LAMA5: variants seen among roughly 807,000 people sequenced by gnomAD.
LAMA5 encodes laminin subunit alpha 5.
A neutral mutation model predicts 433.4 loss-of-function variants in LAMA5; 260 were observed. That is an observed-to-expected ratio of 0.60 (90% CI 0.54 to 0.66). LAMA5 has a LOEUF of 0.66. Among genes scored for constraint, LAMA5 ranks in the 30% least tolerant of loss-of-function variants. The pLI, the probability that LAMA5 is intolerant of heterozygous loss-of-function variation, is 0.00. For synonymous variants in LAMA5, 2,620 were observed against 2,226.6 expected (o/e 1.18, Z -4.97); for missense variants, 5,378 against 5,258.5 (o/e 1.02, Z -0.70).
In LAMA5 at chr20:62,320,870, G is replaced by A. The variant is rs1223313765; in HGVS notation, c.6517C>T (p.Leu2173=). The change falls in exon 49 of 80, where the codon CTG becomes TTG. Residue 2173 remains leucine (L), a synonymous_variant. Transcript: ENST00000252999. The part of the protein sequence containing the change: ...HCEVCDHCVV[L]LLDDLERAGA... ...GCCCGTTCCAGGTCATCCAGGAGCA[G>A]GACCACACAGTGGTCACACACTGCA... is the stretch of plus-strand genomic sequence containing the variant. The A allele has an allele frequency of 9.3e-6, 15 of 1,611,150 alleles. No homozygotes were observed. The highest frequency in any genetic ancestry group is 1.7e-5 in the Admixed American group (1 of 59,678).
At chr20:62,347,209 G>A (rs1983535645) in intron 6 of LAMA5, among the ~76,000 whole-genome samples, 181 bp from the exon 7 acceptor site, 1 of 152,152 alleles carries the variant, frequency 6.6e-6, no homozygotes, top group Non-Finnish European at 1.5e-5. Flanking sequence ...CAGCGTCCCC[G>A]AGCCTGTGGC....
intron 10 of LAMA5, 75 bp downstream of exon 10, chr20:62,346,006 C>G: frequency 6.3e-7 from 1 of 1,595,778 alleles, no homozygotes; most frequent in Non-Finnish European, 8.6e-7. Flanking sequence ...CCCGGGGAAC[C>G]CCTCCACCCC....
intron 43 of LAMA5, 29 bp from the exon 44 acceptor site, chr20:62,323,885 G>A: frequency 6.3e-7 from 1 of 1,578,784 alleles, no homozygotes. Context: ...TCAGTCACTA[G>A]GCCCCTGGCA....
intron 11 of LAMA5, among the ~76,000 whole-genome samples, chr20:62,343,141 C>T (rs1601386331): frequency 1.3e-5 from 2 of 152,212 alleles, no homozygotes; most frequent in East Asian, 3.8e-4. Context: ...TTGCAAGCTA[C>T]AGCTGGTAAC....
intron 2 of LAMA5, among the ~76,000 whole-genome samples, chr20:62,362,197 G>A (rs1054187040): frequency 1.3e-5 from 2 of 152,214 alleles, no homozygotes; most frequent in Non-Finnish European, 1.5e-5. Context: ...TCATGGGGAC[G>A]CTGAAAGCAC....
chr20:62,328,359 A>G lies in LAMA5; in HGVS notation c.4534T>C (p.Cys1512Arg). The G allele has an allele frequency of 6.3e-7, 1 of 1,592,444 alleles. No homozygotes were observed. The highest frequency in any genetic ancestry group is 1.1e-5 in the South Asian group (1 of 88,404). ...PRTIPPDCLL[C>R]QPQTFGCHPL... ...TGGCAGCCAAAGGTCTGGGGCTGGC[A>G]CAGCAGGCAGTCGGGCGGGATGGTG... The change falls in exon 35 of 80, where the codon TGC becomes CGC. Residue 1512 changes from cysteine (C) to arginine (R), a missense_variant. Physicochemically the swap from Cys to Arg is radical, Grantham distance 180. Transcript: ENST00000252999.
In LAMA5 at chr20:62,318,963, A is replaced by G; in HGVS notation, c.6922T>C (p.Ser2308Pro). 4.4e-6 allele frequency: 7 copies of G among 1,595,478 alleles called. No individual in the cohort carries two copies. The highest frequency in any genetic ancestry group is 6.0e-6 in the Non-Finnish European group (7 of 1,173,356). The change falls in exon 52 of 80, where the codon TCA becomes CCA. Residue 2308 changes from serine to proline, a missense_variant. Physicochemically the swap from Ser to Pro is moderately conservative, Grantham distance 74. Coordinates refer to ENST00000252999, the MANE Select transcript of LAMA5 (RefSeq NM_005560.6). ...HLGLANASAP[S>P]GEQLLRTLAE... is the part of the protein sequence containing the mutation. ...AGTGTCCGGAGCAGCTGCTCACCTG[A>G]TGGAGCCGAGGCATTGGCCAGCCCC...
chr20:62,317,171 G>A, intron 55 of LAMA5, 148 bp from the exon 56 acceptor site: 1 of 1,183,596 alleles, frequency 8.4e-7, no homozygotes, highest in Non-Finnish European at 1.1e-6. Context: ...CGCCTGCTGG[G>A]TGTACTGCTC....
At chr20:62,316,219 T>C (rs1284164826) in intron 57 of LAMA5, 161 bp from the exon 58 acceptor site, 12 of 619,978 alleles carry the variant, frequency 1.9e-5, no homozygotes, top group African/African-American at 1.3e-4. Flanking sequence ...GGGGAGGTGT[T>C]GAGTCTCAGC....
Position 62,324,617 on chromosome 20 carries a change from G to A in LAMA5, c.5530-63C>T. ...GAGGACGAGGGGCCCCACCCTGCAAGCTCACAAGTCAGACCCTCAGGGATC... is the reference window on the plus strand; with the variant it reads ...GAGGACGAGGGGCCCCACCCTGCAAACTCACAAGTCAGACCCTCAGGGATC... On this transcript the variant is annotated intron_variant, in intron 41 of 79. Transcript: ENST00000252999. The surrounding 1 kb of genome is among the most constrained non-coding windows in gnomAD (Gnocchi z 4.4). 9.2e-7 allele frequency: 1 copy of A among 1,083,614 alleles called. No homozygotes were observed. The highest frequency in any genetic ancestry group is 1.3e-5 in the South Asian group (1 of 75,372). 67.1% of individuals were successfully genotyped at this position (1,083,614 alleles called of 1,614,324 possible). A position where few individuals can be genotyped will look rare whatever the true frequency, so the allele number is the denominator to read the frequency against.
rs1986152576 is a variant in LAMA5 at position 62,310,647 on chromosome 20, G to A, written c.10446+18C>T. On this transcript the variant is annotated intron_variant, in intron 75 of 79. Coordinates refer to ENST00000252999, the MANE Select transcript of LAMA5 (RefSeq NM_005560.6). ...AACAGTGGGTGGGGAGTGGGGGCTG[G>A]GGCAAGATGGTTCTCACCGGAAGTT... The A allele has an allele frequency of 6.3e-7, 1 of 1,598,680 alleles. No homozygotes were observed. The highest frequency in any genetic ancestry group is 8.5e-7 in the Non-Finnish European group (1 of 1,177,022).
Position 62,351,804 on chromosome 20 carries a change from G to A in LAMA5, c.859-3C>T. 6.2e-7 allele frequency: 1 copy of A among 1,602,950 alleles called. No individual in the cohort carries two copies. Among genetic ancestry groups the A allele is most frequent in the Admixed American group, 1.7e-5 (1 of 58,118 alleles). The stretch of plus-strand genomic sequence containing the variant: ...ATATCCTTGATGCTGTAATAATACT[G>A]CACCCGCAGGCCCCGTGAGCACCAG... On this transcript the variant is annotated splice_polypyrimidine_tract_variant and splice_region_variant and intron_variant, in intron 5 of 79. Transcript: ENST00000252999.
At position 62,314,663 on chromosome 20, in the gene LAMA5, A is replaced by G. The variant is rs1281299250; in HGVS notation, c.8259T>C (p.Leu2753=). The G allele has an allele frequency of 6.2e-7, 1 of 1,612,722 alleles. No individual in the cohort carries two copies. The part of the protein sequence containing the change: ...SGVQLRTPRD[L]ADLAAYTALK... ...GGGCAGTGTAGGCAGCAAGGTCGGC[A>G]AGATCCCGTGGGGTGCGCAGCTGCA... Residue 2753 remains leucine (L), a synonymous_variant, in exon 61 of 80, where the codon CTT becomes CTC. Coordinates refer to ENST00000252999, the MANE Select transcript of LAMA5 (RefSeq NM_005560.6).
chr20:62,323,936 C>T, intron 43 of LAMA5, 80 bp from the exon 44 acceptor site: 1 of 1,470,766 alleles, frequency 6.8e-7, no homozygotes, highest in South Asian at 1.3e-5. Context: ...CCGGCTGGAA[C>T]ACACGCCAGG....
At chr20:62,318,329 C>CGGGGGGGGG in intron 53 of LAMA5, 125 bp downstream of exon 53, 1 of 286,476 alleles carries the variant, frequency 3.5e-6, no homozygotes, top group Non-Finnish European at 6.1e-6. Flanking sequence ...GGGGGGAGGA[C>CGGGGGGGGG]GAGGGAGGGG....
chr20:62,347,051 G>A (rs776719777), intron 6 of LAMA5, 23 bp from the exon 7 acceptor site: 14 of 1,579,720 alleles, frequency 8.9e-6, no homozygotes, highest in East Asian at 4.5e-5. Flanking sequence ...CAGGAGGGGG[G>A]ATCAGGCCCA....
At chr20:62,335,154 G>A (rs1257280199) in intron 19 of LAMA5, 28 bp from the exon 20 acceptor site, 11 of 1,612,426 alleles carry the variant, frequency 6.8e-6, no homozygotes, top group Non-Finnish European at 9.3e-6. Flanking sequence ...AGGTGAAGTG[G>A]GGCAGGGGAG....
chr20:62,337,646 G>C lies in LAMA5; in HGVS notation c.2108C>G (p.Thr703Arg), dbSNP rs373802425. 6 of 1,612,364 alleles carry C rather than the reference G, an allele frequency of 3.7e-6. No homozygotes were observed. Among genetic ancestry groups the C allele is most frequent in the Non-Finnish European group, 5.1e-6 (6 of 1,179,782 alleles). ...SGQCSCRPRV[T>R]GLRCDTCVPG... ...CACACATGTGTCACACCGCAGCCCC[G>C]TCACACGGGGCCGGCAGCTGCACTG... Residue 703 changes from threonine (T) to arginine (R), a missense_variant, in exon 16 of 80, where the codon ACG becomes AGG. By Grantham distance (71) the Thr-to-Arg change is moderately conservative. Transcript: ENST00000252999.
Position 62,353,149 on chromosome 20 carries a change from A to G in LAMA5, c.553T>C (p.Trp185Arg). The change falls in exon 3 of 80, where the codon TGG (tryptophan) becomes CGG (arginine). Residue 185 changes from tryptophan (W) to arginine (R), a missense_variant. By Grantham distance (101) the Trp-to-Arg change is moderately radical. Transcript: ENST00000252999. ...AGAGACTCACAGGCAAAGAACTGCC[A>G]GGGCTGGTAGGTGCGGCCGAAGTCC... ...SMDFGRTYQP[W>R]QFFASSKRDC... 1.3e-6 allele frequency: 2 copies of G among 1,575,538 alleles called. No homozygotes were observed. Among genetic ancestry groups the G allele is most frequent in the Non-Finnish European group, 1.7e-6 (2 of 1,160,926 alleles).
Sources: gnomAD v4.1 joint callset for allele counts (sites outside exome capture counted in the v4.1 genomes callset) on GRCh38, gnomAD v4.1.1 for gene constraint, Gnocchi (gnomAD v3.1) non-coding constraint, MANE v1.5 for transcripts, NCBI Gene and HGNC (gene_info 2026-07-23, HGNC 2026-07-21) for gene names.